TENM2: variants seen among roughly 807,000 people sequenced by gnomAD.
The protein encoded by TENM2 is teneurin transmembrane protein 2.
Under a neutral mutation model 245.2 loss-of-function variants are expected in TENM2, and 52 were observed. That is an observed-to-expected ratio of 0.21 (90% CI 0.17 to 0.27). The LOEUF (loss-of-function observed/expected upper bound fraction) is 0.27. Among genes scored for constraint, TENM2 ranks in the 10% least tolerant of loss-of-function variants. TENM2 has a pLI of 1.00. For synonymous variants in TENM2, 1,363 were observed against 1,438.9 expected (o/e 0.95, Z 1.19); for missense variants, 3,046 against 3,666.8 (o/e 0.83, Z 4.37).
chr5:167,171,287 G>A, the TENM2 span, among the ~76,000 whole-genome samples: 2 of 152,124 alleles, frequency 1.3e-5, no homozygotes, highest in African/African-American at 4.8e-5. Context: ...TAGCTGAATG[G>A]CCCCTTCTGT....
chr5:167,045,358 G>T, the TENM2 span, among the ~76,000 whole-genome samples: 2 of 152,188 alleles, frequency 1.3e-5, no homozygotes, highest in African/African-American at 4.8e-5. Context: ...GATGGTGTCT[G>T]TAAAACACTC....
chr5:167,499,570 T>A (rs1404175291), intron 2 of TENM2, among the ~76,000 whole-genome samples: 1 of 152,212 alleles, frequency 6.6e-6, no homozygotes, highest in Non-Finnish European at 1.5e-5. Flanking sequence ...GAGTTCATTT[T>A]CTGTCCTCAC....
intron 7 of TENM2, among the ~76,000 whole-genome samples, chr5:168,067,154 C>G (rs1182057121): frequency 6.6e-6 from 1 of 152,170 alleles, no homozygotes; most frequent in Admixed American, 6.5e-5. Context: ...ATGCCTATTT[C>G]ATCACTCAGA....
At chr5:167,367,055 G>A (rs971407312) in intron 1 of TENM2, among the ~76,000 whole-genome samples, 1 of 152,072 alleles carries the variant, frequency 6.6e-6, no homozygotes, top group Non-Finnish European at 1.5e-5. Flanking sequence ...ATTGGGCTTT[G>A]TTCAGATTGG....
chr5:167,816,885 T>G (rs1412744339), intron 2 of TENM2, among the ~76,000 whole-genome samples: 1 of 152,154 alleles, frequency 6.6e-6, no homozygotes. Context: ...ACCATTAGTA[T>G]GTACCATGGA....
At chr5:167,159,534 G>A in the TENM2 span, among the ~76,000 whole-genome samples, 1 of 151,898 alleles carries the variant, frequency 6.6e-6, no homozygotes, top group Non-Finnish European at 1.5e-5. Flanking sequence ...CTAGATTTAA[G>A]CATTTCACAA....
the TENM2 span, among the ~76,000 whole-genome samples, chr5:167,257,073 TCA>T: frequency 8.5e-5 from 13 of 152,118 alleles, no homozygotes; most frequent in Non-Finnish European, 1.8e-4. Flanking sequence ...TTCTCATGCA[TCA>T]CCACACAGAG....
At chr5:167,636,907 C>A (rs1779238570) in intron 2 of TENM2, among the ~76,000 whole-genome samples, 1 of 152,136 alleles carries the variant, frequency 6.6e-6, no homozygotes, top group African/African-American at 2.4e-5. Flanking sequence ...CTTTTAAGTA[C>A]CCTGCAAGTT....
intron 3 of TENM2, among the ~76,000 whole-genome samples, chr5:167,947,466 G>A (rs886435697): frequency 1.3e-5 from 2 of 152,110 alleles, no homozygotes; most frequent in Non-Finnish European, 2.9e-5. Flanking sequence ...CCACACATCT[G>A]GTCAGTGGCC....
At chr5:167,553,551 G>C (rs1393975467) in intron 2 of TENM2, among the ~76,000 whole-genome samples, 3 of 152,180 alleles carry the variant, frequency 2.0e-5, no homozygotes, top group East Asian at 1.9e-4. Flanking sequence ...TTACAAACTA[G>C]AGTGGTGGAT....
At chr5:167,411,772 A>G (rs921875674) in intron 2 of TENM2, among the ~76,000 whole-genome samples, 54 of 152,170 alleles carry the variant, frequency 3.5e-4, no homozygotes, top group Middle Eastern at 3.4e-3. Flanking sequence ...TTAAAACTCA[A>G]ACCATTTGGC....
At chr5:167,761,201 C>T (rs1333042754) in intron 2 of TENM2, among the ~76,000 whole-genome samples, 1 of 152,164 alleles carries the variant, frequency 6.6e-6, no homozygotes, top group Non-Finnish European at 1.5e-5. Context: ...TTTCCTCTCC[C>T]CTGCTTATTT....
At chr5:167,524,597 T>G (rs1447905195) in intron 2 of TENM2, among the ~76,000 whole-genome samples, 3 of 152,072 alleles carry the variant, frequency 2.0e-5, no homozygotes, top group Admixed American at 2.0e-4. Flanking sequence ...TAATTCTGCT[T>G]TTTAACGAGC....
chr5:167,919,148 T>C (rs1300824584), intron 3 of TENM2, among the ~76,000 whole-genome samples: 2 of 152,190 alleles, frequency 1.3e-5, no homozygotes, highest in Non-Finnish European at 2.9e-5. Flanking sequence ...TTTATGCTTT[T>C]ACTTCTATTG....
chr5:167,785,626 G>A (rs558069194), intron 2 of TENM2, among the ~76,000 whole-genome samples: 1 of 152,334 alleles, frequency 6.6e-6, no homozygotes, highest in South Asian at 2.1e-4. Context: ...ATAGGGTCCA[G>A]ATGGTAGTTC....
intron 2 of TENM2, among the ~76,000 whole-genome samples, chr5:167,657,860 T>A (rs1426527100): frequency 6.6e-6 from 1 of 152,222 alleles, no homozygotes; most frequent in Non-Finnish European, 1.5e-5. Context: ...CAGTCCCTGA[T>A]CTAGCAGAGC....
chr5:168,221,446 G>A (rs1015385228), intron 23 of TENM2, among the ~76,000 whole-genome samples: 11 of 152,164 alleles, frequency 7.2e-5, no homozygotes, highest in Non-Finnish European at 1.2e-4. Context: ...CAAGCCCAGC[G>A]TTCTTTGCAT....
At chr5:167,555,214 G>A (rs1040381325) in intron 2 of TENM2, among the ~76,000 whole-genome samples, 9 of 152,216 alleles carry the variant, frequency 5.9e-5, no homozygotes, top group East Asian at 1.9e-4. Context: ...GGCTGGCTAC[G>A]ACAACCAAAC....
intron 1 of TENM2, among the ~76,000 whole-genome samples, chr5:167,374,247 A>G (rs914001739): frequency 6.6e-6 from 1 of 152,206 alleles, no homozygotes; most frequent in African/African-American, 2.4e-5. Context: ...ACTTGCCACT[A>G]TGTTACTTTG....
Sources: allele counts gnomAD v4.1 joint callset (sites outside exome capture counted in the v4.1 genomes callset), GRCh38; gene constraint gnomAD v4.1.1; transcripts MANE v1.5; gene names NCBI Gene and HGNC (gene_info 2026-07-23, HGNC 2026-07-21).